The following UNC13C variants were observed in gnomAD, a reference collection of about 807,000 sequenced individuals.
The protein encoded by UNC13C is protein unc-13 homolog C.
In UNC13C, 174 loss-of-function variants were observed where a neutral mutation model predicts 245.4. The observed-to-expected ratio is 0.71, with a 90% CI of 0.63 to 0.80. UNC13C has a LOEUF of 0.80. Ranked by LOEUF, UNC13C falls within the 30% of genes least tolerant of loss-of-function variation. The pLI, the probability that UNC13C is intolerant of heterozygous loss-of-function variation, is 0.00. For missense variants in UNC13C, 2,829 were observed against 2,602.9 expected (o/e 1.09, Z -1.89); for synonymous variants, 992 against 895.1 (o/e 1.11, Z -1.93).
At chr15:54,408,790 T>A (rs377717520) in intron 18 of UNC13C, among the ~76,000 whole-genome samples, 1 of 152,262 alleles carries the variant, frequency 6.6e-6, no homozygotes, top group Non-Finnish European at 1.5e-5. Context: ...TGTTTGCTTC[T>A]ATAGTGTTTT....
the UNC13C span, among the ~76,000 whole-genome samples, chr15:53,950,823 A>G: frequency 3.3e-5 from 5 of 152,250 alleles, no homozygotes; most frequent in African/African-American, 1.2e-4. Flanking sequence ...TAGAGAAGAC[A>G]CATCTGTGTT....
chr15:54,587,948 A>G (rs1898578238), intron 30 of UNC13C, among the ~76,000 whole-genome samples: 1 of 152,230 alleles, frequency 6.6e-6, no homozygotes, highest in Non-Finnish European at 1.5e-5. Flanking sequence ...TGTTATGCCA[A>G]GTTTCAGATG....
chr15:54,235,186 C>A, intron 5 of UNC13C, 78 bp downstream of exon 5: 1 of 1,213,484 alleles, frequency 8.2e-7, no homozygotes, highest in Non-Finnish European at 1.2e-6. Flanking sequence ...CCTTCTCATT[C>A]ACTGTCTAGC....
chr15:53,870,091 C>G, the UNC13C span, among the ~76,000 whole-genome samples: 1 of 152,190 alleles, frequency 6.6e-6, no homozygotes, highest in Non-Finnish European at 1.5e-5. Flanking sequence ...TGTACTCCTA[C>G]GCTTACAATG....
chr15:54,174,933 A>G (rs2033554889), intron 4 of UNC13C, among the ~76,000 whole-genome samples: 1 of 152,196 alleles, frequency 6.6e-6, no homozygotes, highest in Admixed American at 6.5e-5. Context: ...AAGGAACCTC[A>G]CATGAGATTA....
At chr15:54,265,774 C>T (rs550527676) in intron 10 of UNC13C, among the ~76,000 whole-genome samples, 4 of 152,014 alleles carry the variant, frequency 2.6e-5, no homozygotes, top group African/African-American at 7.2e-5. Flanking sequence ...AGATACACAA[C>T]ATGATCTATA....
chr15:54,457,917 T>G (rs1311734721), intron 19 of UNC13C, among the ~76,000 whole-genome samples: 1 of 151,472 alleles, frequency 6.6e-6, no homozygotes, highest in Non-Finnish European at 1.5e-5. Context: ...CTTTTTTTTT[T>G]CTGCTACTGG....
chr15:53,954,757 G>C, the UNC13C span, among the ~76,000 whole-genome samples: 3 of 152,228 alleles, frequency 2.0e-5, no homozygotes, highest in Admixed American at 2.0e-4. Flanking sequence ...TCATGTTTAA[G>C]AGAGAGGGCA....
Position 54,393,215 on chromosome 15 carries a change from A to G in UNC13C, c.4847+34A>G, listed in dbSNP as rs1490825066. ...AATGTTTTGGAAATGAATGGATTTT[A>G]TTCCACTAAAGTTCAAATAATACAT... On this transcript the variant is annotated intron_variant, in intron 18 of 32. Coordinates refer to ENST00000260323, the MANE Select transcript of UNC13C (RefSeq NM_001080534.3). 11 of 1,469,646 alleles carry G rather than the reference A, an allele frequency of 7.5e-6. No individual in the cohort carries two copies. The East Asian group carries it at 2.7e-4, about 36-fold the overall frequency. The allele number at this position is 1,469,646 out of a possible 1,614,324, so 91.0% of individuals were successfully genotyped here.
chr15:54,415,724 G>A (rs1296266845), intron 19 of UNC13C, among the ~76,000 whole-genome samples: 1 of 152,082 alleles, frequency 6.6e-6, no homozygotes, highest in Non-Finnish European at 1.5e-5. Flanking sequence ...ATGACCATTG[G>A]TGCACTGGAT....
intron 4 of UNC13C, among the ~76,000 whole-genome samples, chr15:54,172,117 G>A (rs185443512): frequency 1.3e-5 from 2 of 152,222 alleles, no homozygotes; most frequent in Admixed American, 1.3e-4. Context: ...GGGAAGGGTA[G>A]TGGTGGGGGA....
At chr15:54,323,705 C>A (rs917211333) in intron 14 of UNC13C, among the ~76,000 whole-genome samples, 28 of 152,006 alleles carry the variant, frequency 1.8e-4, no homozygotes, top group Admixed American at 1.7e-3. Context: ...CCTGTTGTTA[C>A]CAAATACCAG....
At chr15:54,533,214 C>A in intron 26 of UNC13C, 148 bp downstream of exon 26, 1 of 589,746 alleles carries the variant, frequency 1.7e-6, no homozygotes, top group Non-Finnish European at 2.8e-6. Flanking sequence ...TAAATAAATT[C>A]ATTAAAAAGC....
At chr15:54,241,350 T>C (rs1257134895) in intron 7 of UNC13C, among the ~76,000 whole-genome samples, 2 of 152,116 alleles carry the variant, frequency 1.3e-5, no homozygotes, top group Non-Finnish European at 2.9e-5. Context: ...GCCCTATTTC[T>C]AGTATGACAC....
intron 13 of UNC13C, chr15:54,321,304 C>A: frequency 2.1e-6 from 1 of 472,904 alleles, no homozygotes; most frequent in South Asian, 1.6e-5. Flanking sequence ...CTGTACTGTT[C>A]AAAATAATCT....
intron 2 of UNC13C, among the ~76,000 whole-genome samples, chr15:54,024,928 TAAAA>T (rs1896047199): frequency 1.7e-5 from 2 of 117,872 alleles, no homozygotes; most frequent in Non-Finnish European, 4.1e-5. Context: ...AAATAAAAAA[TAAAA>T]AATAATAAAA....
chr15:53,919,158 C>G, the UNC13C span, among the ~76,000 whole-genome samples: 3 of 152,106 alleles, frequency 2.0e-5, no homozygotes, highest in Non-Finnish European at 4.4e-5. Flanking sequence ...GGTCTAGTTT[C>G]TGACTTAGAA....
intron 30 of UNC13C, among the ~76,000 whole-genome samples, chr15:54,604,280 A>G (rs909202261): frequency 6.6e-6 from 1 of 152,208 alleles, no homozygotes; most frequent in African/African-American, 2.4e-5. Flanking sequence ...TTCCCACCAC[A>G]TAGATGAACT....
At chr15:54,179,996 A>C (rs2033743955) in intron 4 of UNC13C, among the ~76,000 whole-genome samples, 1 of 152,112 alleles carries the variant, frequency 6.6e-6, no homozygotes, top group East Asian at 1.9e-4. Context: ...TAAGTGCTAA[A>C]ATAAAAACTA....
Sources: allele counts gnomAD v4.1 joint callset (sites outside exome capture counted in the v4.1 genomes callset), GRCh38; gene constraint gnomAD v4.1.1; transcripts MANE v1.5; gene names NCBI Gene and HGNC (gene_info 2026-07-23, HGNC 2026-07-21).